Variants in ANKRD30B observed in about 807,000 individuals in gnomAD.
ANKRD30B encodes ankyrin repeat domain 30B, also known as ankyrin repeat domain-containing protein 30B.
ANKRD30B carries 144 observed loss-of-function variants against 202.2 expected under a neutral mutation model. That is an observed-to-expected ratio of 0.71 (90% CI 0.62 to 0.82). The LOEUF (loss-of-function observed/expected upper bound fraction) is 0.82, where lower values mean the gene tolerates loss of function less well. Among genes scored for constraint, ANKRD30B ranks in the 40% least tolerant of loss-of-function variants. The probability of loss-of-function intolerance (pLI) is 0.00; values close to 1 mark genes in which losing one functional copy is unlikely to be tolerated. For missense variants in ANKRD30B, 1,487 were observed against 1,669.1 expected (o/e 0.89, Z 1.90); for synonymous variants, 508 against 561.3 (o/e 0.91, Z 1.34).
chr18:14,868,956 G>C, the ANKRD30B span, among the ~76,000 whole-genome samples: 3 of 152,218 alleles, frequency 2.0e-5, no homozygotes, highest in East Asian at 1.9e-4. Flanking sequence ...AGGCAAAAAG[G>C]TTTCCTGGCT....
At chr18:14,809,347 A>G (rs1969767890) in intron 26 of ANKRD30B, among the ~76,000 whole-genome samples, 3 of 151,102 alleles carry the variant, frequency 2.0e-5, no homozygotes, top group South Asian at 4.2e-4. Flanking sequence ...GATTAGCAAG[A>G]TATTAATCAG....
chr18:14,831,181 G>GAAAAAAAAAAAAAAAAAAAAAA (rs71305894), intron 33 of ANKRD30B, among the ~76,000 whole-genome samples: 1 of 52,358 alleles, frequency 1.9e-5, no homozygotes, highest in Non-Finnish European at 3.4e-5. Flanking sequence ...CTCCGTCTCG[G>GAAAAAAAAAAAAAAAAAAAAAA]AAAAAAAAAA....
chr18:14,787,881 A>AT (rs1025368559), intron 15 of ANKRD30B, among the ~76,000 whole-genome samples: 5 of 152,158 alleles, frequency 3.3e-5, no homozygotes, highest in African/African-American at 1.2e-4. Flanking sequence ...ATTTTATCTG[A>AT]TTTTTTATTA....
In ANKRD30B at chr18:14,840,648, G is replaced by A; in HGVS notation, c.3049G>A (p.Glu1017Lys). The A allele has an allele frequency of 6.5e-7, 1 of 1,536,444 alleles. No homozygotes were observed. The highest frequency in any genetic ancestry group is 1.2e-5 in the South Asian group (1 of 82,946). Residue 1017 changes from glutamate (E) to lysine (K), a missense_variant, in exon 37 of 44, where the codon GAA becomes AAA. Transcript: ENST00000690538. ...TTTACCTGAGGCTACATATCAAAAA[G>A]AAATAAAGACAACAAATGGCAAAAT... ...ECLPEATYQK[E>K]IKTTNGKIEE...
At chr18:14,873,480 G>T in the ANKRD30B span, among the ~76,000 whole-genome samples, 2 of 149,726 alleles carry the variant, frequency 1.3e-5, no homozygotes, top group Non-Finnish European at 3.0e-5. Context: ...AGCCGAGATG[G>T]TGCCATTGCA....
At chr18:14,900,777 C>G in the ANKRD30B span, among the ~76,000 whole-genome samples, 1 of 152,120 alleles carries the variant, frequency 6.6e-6, no homozygotes, top group African/African-American at 2.4e-5. Flanking sequence ...AGCAGAAGCC[C>G]TTTGTGCTCA....
At chr18:14,757,117 A>G (rs769874227) in intron 4 of ANKRD30B, among the ~76,000 whole-genome samples, 13 of 152,156 alleles carry the variant, frequency 8.5e-5, no homozygotes, top group Non-Finnish European at 1.5e-4. Context: ...TAGAGGGAAG[A>G]AAGACATCTT....
chr18:14,878,098 T>C, the ANKRD30B span, among the ~76,000 whole-genome samples: 1 of 152,232 alleles, frequency 6.6e-6, no homozygotes, highest in South Asian at 2.1e-4. Context: ...GAATAGGGTG[T>C]CAGGAGAGGT....
chr18:14,848,618 T>C (rs992215054), intron 39 of ANKRD30B, 98 bp from the exon 40 acceptor site: 2 of 946,906 alleles, frequency 2.1e-6, no homozygotes, highest in Non-Finnish European at 2.9e-6. Context: ...AATCAATATA[T>C]ATTTGTTGAG....
chr18:14,904,680 A>G, the ANKRD30B span, among the ~76,000 whole-genome samples: 1 of 152,128 alleles, frequency 6.6e-6, no homozygotes, highest in African/African-American at 2.4e-5. Context: ...ATATTTAGAG[A>G]TTTATTCTTA....
intron 39 of ANKRD30B, among the ~76,000 whole-genome samples, chr18:14,847,098 A>G (rs1971681265): frequency 8.0e-6 from 1 of 124,306 alleles, no homozygotes; most frequent in African/African-American, 3.0e-5. Flanking sequence ...ATATATGTAT[A>G]ATGTTTTTTA....
At chr18:14,932,451 C>T in the ANKRD30B span, among the ~76,000 whole-genome samples, 1 of 152,206 alleles carries the variant, frequency 6.6e-6, no homozygotes, top group Non-Finnish European at 1.5e-5. Flanking sequence ...ATTCTCCTCC[C>T]TCAGCCTCCC....
the ANKRD30B span, among the ~76,000 whole-genome samples, chr18:14,867,272 G>A: frequency 6.8e-6 from 1 of 147,436 alleles, no homozygotes; most frequent in East Asian, 2.1e-4. Flanking sequence ...GCAGTCTCTG[G>A]GTGTGTTGTG....
the ANKRD30B span, among the ~76,000 whole-genome samples, chr18:14,932,989 T>A: frequency 1.3e-5 from 2 of 152,344 alleles, no homozygotes; most frequent in Non-Finnish European, 1.5e-5. Context: ...ACATCTGTTG[T>A]TTCTTGAAAG....
chr18:14,811,523 A>G (rs1403721157), intron 28 of ANKRD30B, among the ~76,000 whole-genome samples: 2 of 149,182 alleles, frequency 1.3e-5, no homozygotes, highest in Non-Finnish European at 3.0e-5. Flanking sequence ...GAGTCTTTTT[A>G]CACTAGTACC....
chr18:14,817,929 A>T (rs1252352655), intron 30 of ANKRD30B, among the ~76,000 whole-genome samples: 1 of 152,160 alleles, frequency 6.6e-6, no homozygotes, highest in African/African-American at 2.4e-5. Context: ...ATGCTTGGAC[A>T]TAAATTTTTT....
chr18:14,765,112 G>T (rs1260826670), intron 7 of ANKRD30B, among the ~76,000 whole-genome samples: 2 of 152,190 alleles, frequency 1.3e-5, no homozygotes, highest in Non-Finnish European at 2.9e-5. Flanking sequence ...AGGGCATTCT[G>T]GTCGTGGTAT....
chr18:14,762,487 G>A (rs9952547), intron 6 of ANKRD30B, among the ~76,000 whole-genome samples: 63,970 of 150,606 alleles, frequency 0.42, 13,990 homozygotes, highest in Non-Finnish European at 0.49. Context: ...GTTATGTTAC[G>A]TAGTCTTGTA....
the ANKRD30B span, among the ~76,000 whole-genome samples, chr18:14,879,446 A>G: frequency 6.6e-6 from 1 of 152,166 alleles, no homozygotes; most frequent in African/African-American, 2.4e-5. Context: ...AAAAATATTA[A>G]TATAAGATCC....
Sources: gnomAD v4.1 joint callset for allele counts (sites outside exome capture counted in the v4.1 genomes callset) on GRCh38, gnomAD v4.1.1 for gene constraint, MANE v1.5 for transcripts, NCBI Gene and HGNC (gene_info 2026-07-23, HGNC 2026-07-21) for gene names.